OTOGL: variants seen among roughly 807,000 people sequenced by gnomAD.
OTOGL encodes the protein otogelin like.
In OTOGL, 285 loss-of-function variants were observed where a neutral mutation model predicts 318.5. The observed-to-expected ratio is 0.89, with a 90% confidence interval of 0.81 to 0.99. The LOEUF (loss-of-function observed/expected upper bound fraction) is 0.99, where lower values mean the gene tolerates loss of function less well. Ranked by LOEUF, OTOGL falls within the 50% of genes least tolerant of loss-of-function variation. The probability of loss-of-function intolerance (pLI) is 0.00; values close to 1 mark genes in which losing one functional copy is unlikely to be tolerated. For synonymous variants in OTOGL, 987 were observed against 936.5 expected, an observed-to-expected ratio of 1.05 and a Z score of -0.99; for missense variants, 2,899 against 2,845.6, an observed-to-expected ratio of 1.02 and a Z score of -0.43.
intron 27 of OTOGL, among the ~76,000 whole-genome samples, chr12:80,298,015 G>A (rs1415701186): frequency 1.3e-5 from 2 of 152,090 alleles, no homozygotes; most frequent in Non-Finnish European, 2.9e-5. Flanking sequence ...TTGTATCCTT[G>A]GAGCCTGCCC....
chr12:80,158,257 G>C (rs1873258960), intron 1 of OTOGL, among the ~76,000 whole-genome samples: 1 of 152,116 alleles, frequency 6.6e-6, no homozygotes, highest in African/African-American at 2.4e-5. Context: ...ACCTTATTCT[G>C]TGTGACTTTA....
intron 4 of OTOGL, among the ~76,000 whole-genome samples, chr12:80,217,257 C>T (rs748265708): frequency 1.4e-5 from 2 of 141,408 alleles, no homozygotes; most frequent in Non-Finnish European, 3.0e-5. Flanking sequence ...CATGAGGTTG[C>T]GAGGTGGGTG....
chr12:80,297,059 A>G (rs1885451837), intron 27 of OTOGL, 98 bp downstream of exon 27: 1 of 1,140,452 alleles, frequency 8.8e-7, no homozygotes. Flanking sequence ...GTAAATGGTC[A>G]TGAGATCTAT....
intron 40 of OTOGL, 32 bp downstream of exon 40, chr12:80,336,587 A>T (rs1451204579): frequency 6.3e-7 from 1 of 1,582,938 alleles, no homozygotes; most frequent in Non-Finnish European, 8.6e-7. Context: ...CAGTCATTTC[A>T]TCATAAATCT....
intron 1 of OTOGL, among the ~76,000 whole-genome samples, chr12:80,114,619 T>C (rs1870049072): frequency 6.6e-6 from 1 of 152,150 alleles, no homozygotes; most frequent in Non-Finnish European, 1.5e-5. Context: ...AGGAGTGTCT[T>C]TGTGGTGTTC....
At chr12:80,174,236 G>C (rs1364105270) in intron 1 of OTOGL, among the ~76,000 whole-genome samples, 2 of 152,070 alleles carry the variant, frequency 1.3e-5, no homozygotes, top group African/African-American at 4.8e-5. Flanking sequence ...GAGATTCACT[G>C]GTTGATTCAC....
chr12:80,121,209 A>G (rs1870469112), intron 1 of OTOGL, among the ~76,000 whole-genome samples: 1 of 152,186 alleles, frequency 6.6e-6, no homozygotes, highest in East Asian at 1.9e-4. Flanking sequence ...TTCATAATAA[A>G]CCACCTGTTT....
chr12:80,153,834 T>A (rs1366467109), intron 1 of OTOGL, among the ~76,000 whole-genome samples: 1 of 152,206 alleles, frequency 6.6e-6, no homozygotes, highest in Non-Finnish European at 1.5e-5. Context: ...ATTGGCTTTT[T>A]TCACTTAGTA....
At chr12:80,287,641 C>T (rs1884733515) in intron 26 of OTOGL, among the ~76,000 whole-genome samples, 1 of 152,116 alleles carries the variant, frequency 6.6e-6, no homozygotes, top group Admixed American at 6.5e-5. Flanking sequence ...GATCCCTTTA[C>T]CATTAAGTAT....
At chr12:80,303,570 T>G (rs1885915808) in intron 28 of OTOGL, among the ~76,000 whole-genome samples, 2 of 152,232 alleles carry the variant, frequency 1.3e-5, no homozygotes, top group Admixed American at 6.5e-5. Context: ...TACCTGACAC[T>G]GGGTAATTTA....
intron 18 of OTOGL, among the ~76,000 whole-genome samples, chr12:80,261,059 C>T (rs11834881): frequency 0.1 from 15,566 of 152,128 alleles, 897 homozygotes; most frequent in Middle Eastern, 0.15. Flanking sequence ...AAATGGCTTG[C>T]GTTGCTCCCT....
At chr12:80,359,185 A>C (rs980656433) in intron 52 of OTOGL, among the ~76,000 whole-genome samples, 3 of 152,160 alleles carry the variant, frequency 2.0e-5, no homozygotes, top group Admixed American at 6.6e-5. Context: ...ATATTGAAAA[A>C]AATTATCTTA....
intron 52 of OTOGL, among the ~76,000 whole-genome samples, chr12:80,365,226 A>G (rs1890457394): frequency 6.6e-6 from 1 of 152,160 alleles, no homozygotes; most frequent in Non-Finnish European, 1.5e-5. Flanking sequence ...AGCACTCTTC[A>G]TAATAACCCA....
chr12:80,353,291 A>G (rs1240918469), intron 45 of OTOGL, 34 bp from the exon 46 acceptor site: 2 of 1,305,484 alleles, frequency 1.5e-6, no homozygotes, highest in African/African-American at 1.5e-5. Context: ...AGTTACTTTT[A>G]TCATTAGCAA....
At position 80,336,975 on chromosome 12, in the gene OTOGL, A is replaced by G; in HGVS notation, c.4831A>G (p.Lys1611Glu). 6.3e-7 allele frequency: 1 copy of G among 1,591,568 alleles called. No homozygotes were observed. Among genetic ancestry groups the G allele is most frequent in the East Asian group, 2.3e-5 (1 of 44,302 alleles). Residue 1611 changes from lysine to glutamate, a missense_variant, in exon 42 of 59, where the codon AAA (lysine) becomes GAA (glutamate). By Grantham distance (56) the Lys-to-Glu change is moderately conservative. This residue lies in a region of OTOGL where 2,607 missense variants were observed against 2,524.9 expected (regional missense o/e 1.03). Coordinates refer to ENST00000547103, the MANE Select transcript of OTOGL (RefSeq NM_001378609.3). ...GTTAAATGTGACAACACCCATACAT[A>G]AAATAATTGTCAATCGGTTGGCAAG... ...KKLNVTTPIH[K>E]IIVNRLARKV...
At chr12:80,214,182 C>T (rs1229783451) in intron 4 of OTOGL, among the ~76,000 whole-genome samples, 1 of 152,148 alleles carries the variant, frequency 6.6e-6, no homozygotes, top group Non-Finnish European at 1.5e-5. Context: ...AAGTTCCTTT[C>T]CTGAAAGCAG....
intron 35 of OTOGL, 76 bp from the exon 36 acceptor site, chr12:80,328,589 T>TA (rs1887853103): frequency 5.5e-6 from 6 of 1,085,142 alleles, no homozygotes; most frequent in Non-Finnish European, 8.2e-6. Flanking sequence ...CTTAGTCGCA[T>TA]ATGTTAAATG....
At position 80,167,344 on chromosome 12, in the gene OTOGL, T is replaced by A. The variant is rs370348854; in HGVS notation, c.-19-42069T>A. 5.9e-5 allele frequency among the ~76,000 whole-genome samples: 9 copies of A among 152,260 alleles called. No individual in the cohort carries two copies. In the East Asian group the frequency reaches 1.7e-3, roughly 29 times the overall value. Reference sequence around the variant, plus strand: ...AATAGGCTAAAAATTTTGGTTTTGATTTTTTAAAAGAGTAATTGGAAGGCT... The same window carrying A: ...AATAGGCTAAAAATTTTGGTTTTGAATTTTTAAAAGAGTAATTGGAAGGCT... On this transcript the variant is annotated intron_variant, in intron 1 of 58. Transcript: ENST00000547103.
intron 28 of OTOGL, among the ~76,000 whole-genome samples, chr12:80,304,897 G>A (rs924163816): frequency 4.6e-5 from 7 of 152,138 alleles, no homozygotes; most frequent in African/African-American, 1.7e-4. Context: ...TGGAGAAGTA[G>A]GCTGCCTATG....
Sources: gnomAD v4.1 joint callset for allele counts (sites outside exome capture counted in the v4.1 genomes callset) on GRCh38, gnomAD v4.1.1 for gene constraint, gnomAD v4.1.1 regional missense constraint, MANE v1.5 for transcripts, NCBI Gene and HGNC (gene_info 2026-07-23, HGNC 2026-07-21) for gene names.